SNTG1: variants seen among roughly 807,000 people sequenced by gnomAD.
The protein encoded by SNTG1 is gamma-1-syntrophin.
SNTG1 carries 39 observed loss-of-function variants against 74.7 expected under a neutral mutation model. The ratio of observed to expected loss-of-function variants is 0.52; its 90% CI spans 0.40 to 0.68. The LOEUF (loss-of-function observed/expected upper bound fraction) is 0.68. Among genes scored for constraint, SNTG1 ranks in the 30% least tolerant of loss-of-function variants. The pLI is 0.00. For synonymous variants in SNTG1, 254 were observed against 217.1 expected, an observed-to-expected ratio of 1.17 and a Z score of -1.49; for missense variants, 685 against 609.5, an observed-to-expected ratio of 1.12 and a Z score of -1.30.
chr8:50,172,814 A>G (rs1429679335), intron 2 of SNTG1, among the ~76,000 whole-genome samples, 179 bp downstream of exon 2: 1 of 151,326 alleles, frequency 6.6e-6, no homozygotes, highest in African/African-American at 2.4e-5. Flanking sequence ...TGGAAGCAGT[A>G]GAAATATTCA....
intron 1 of SNTG1, among the ~76,000 whole-genome samples, chr8:49,961,844 T>C (rs1392274127): frequency 2.0e-5 from 3 of 152,208 alleles, no homozygotes; most frequent in South Asian, 2.1e-4. Flanking sequence ...GAGAATTCAA[T>C]GACTTGTTGA....
rs982459140 is a variant in SNTG1, at chr8:49,923,307, T to C, written c.-103+11076T>C. Among the ~76,000 whole-genome samples, 15 of 152,160 alleles carry C rather than the reference T, an allele frequency of 9.9e-5. 1 individual carries two copies. The highest frequency in any genetic ancestry group is 9.2e-4 in the Admixed American group (14 of 15,256). On this transcript the variant is annotated intron_variant, in intron 1 of 18. Coordinates refer to ENST00000642720, the MANE Select transcript of SNTG1 (RefSeq NM_018967.5). ...CTTCAAATCTTACCCAATCTTTATT[T>C]CTGTGAAACATTTTTGGGAGGGGAA...
intron 8 of SNTG1, among the ~76,000 whole-genome samples, chr8:50,484,154 T>TTCCC (rs1563453638): frequency 2.7e-5 from 1 of 37,366 alleles, no homozygotes; most frequent in African/African-American, 9.9e-5. Flanking sequence ...CTTTCTTTCC[T>TTCCC]TCCTTCCTTC....
At chr8:50,153,701 G>A (rs2082152328) in intron 1 of SNTG1, among the ~76,000 whole-genome samples, 1 of 152,196 alleles carries the variant, frequency 6.6e-6, no homozygotes, top group Non-Finnish European at 1.5e-5. Flanking sequence ...ATCAGCAGCG[G>A]AGGCTGCAGA....
intron 1 of SNTG1, among the ~76,000 whole-genome samples, chr8:49,966,425 C>T (rs569064842): frequency 1.3e-5 from 2 of 149,722 alleles, no homozygotes; most frequent in South Asian, 4.2e-4. Context: ...GACAGAGTCT[C>T]GGTCTGTTCC....
At chr8:50,478,521 A>G (rs2093714467) in intron 8 of SNTG1, among the ~76,000 whole-genome samples, 1 of 152,078 alleles carries the variant, frequency 6.6e-6, no homozygotes, top group African/African-American at 2.4e-5. Flanking sequence ...CCTAATCACT[A>G]GTTTTTGTTT....
intron 17 of SNTG1, among the ~76,000 whole-genome samples, chr8:50,719,531 A>T (rs893874155): frequency 2.0e-5 from 3 of 152,182 alleles, no homozygotes; most frequent in African/African-American, 4.8e-5. Flanking sequence ...TAGCAGGAGG[A>T]ACAGCCTAAC....
chr8:50,448,309 T>G (rs113000382), intron 5 of SNTG1, among the ~76,000 whole-genome samples: 4,215 of 151,348 alleles, frequency 0.028, 185 homozygotes, highest in African/African-American at 0.096. Flanking sequence ...GGACTCTACT[T>G]GCCAAAAAAA....
chr8:49,947,831 T>C (rs1809340770), intron 1 of SNTG1, among the ~76,000 whole-genome samples: 1 of 152,146 alleles, frequency 6.6e-6, no homozygotes, highest in African/African-American at 2.4e-5. Context: ...TCTGTGTTGA[T>C]ATTAAAAGTT....
chr8:50,729,288 A>T (rs1012099540), intron 17 of SNTG1, among the ~76,000 whole-genome samples: 10 of 152,202 alleles, frequency 6.6e-5, no homozygotes, highest in Non-Finnish European at 1.2e-4. Flanking sequence ...ACAGAGTCCA[A>T]ATATAATGTG....
intron 1 of SNTG1, among the ~76,000 whole-genome samples, chr8:50,123,510 T>A (rs1342683413): frequency 7.0e-6 from 1 of 142,666 alleles, no homozygotes; most frequent in African/African-American, 2.5e-5. Context: ...ATTTAGAACA[T>A]CTTTACATTA....
At chr8:50,529,728 T>C (rs1036778351) in intron 9 of SNTG1, among the ~76,000 whole-genome samples, 2 of 152,142 alleles carry the variant, frequency 1.3e-5, no homozygotes, top group East Asian at 1.9e-4. Flanking sequence ...AAAGAGTACC[T>C]ACAAAAACAG....
At chr8:50,133,729 C>G (rs2081385912) in intron 1 of SNTG1, among the ~76,000 whole-genome samples, 1 of 152,158 alleles carries the variant, frequency 6.6e-6, no homozygotes, top group African/African-American at 2.4e-5. Flanking sequence ...TGTGTCTCTT[C>G]TCTTCTTTAA....
At chr8:50,427,271 C>G (rs893155506) in intron 4 of SNTG1, among the ~76,000 whole-genome samples, 2 of 151,774 alleles carry the variant, frequency 1.3e-5, no homozygotes, top group Non-Finnish European at 2.9e-5. Flanking sequence ...AAATTACAAG[C>G]CAATTTTACT....
At chr8:49,998,459 A>G (rs1047313624) in intron 1 of SNTG1, among the ~76,000 whole-genome samples, 1 of 152,166 alleles carries the variant, frequency 6.6e-6, no homozygotes, top group African/African-American at 2.4e-5. Context: ...ACTCTGTAAG[A>G]ACAAAGCTTA....
At chr8:50,112,857 C>T (rs1435540175) in intron 1 of SNTG1, among the ~76,000 whole-genome samples, 2 of 152,048 alleles carry the variant, frequency 1.3e-5, no homozygotes, top group Non-Finnish European at 2.9e-5. Context: ...GGAATCCTTT[C>T]CCCATTTCTT....
At chr8:50,333,572 A>T (rs2091038908) in intron 2 of SNTG1, among the ~76,000 whole-genome samples, 1 of 152,216 alleles carries the variant, frequency 6.6e-6, no homozygotes, top group Non-Finnish European at 1.5e-5. Context: ...ATTATGCTGG[A>T]AACAGCATTA....
intron 1 of SNTG1, among the ~76,000 whole-genome samples, chr8:50,080,957 T>C (rs2131076640): frequency 6.6e-6 from 1 of 152,286 alleles, no homozygotes; most frequent in Middle Eastern, 3.4e-3. Flanking sequence ...TATTTTCTTT[T>C]CTTCCTACCT....
At chr8:50,200,969 G>C (rs987113459) in intron 2 of SNTG1, among the ~76,000 whole-genome samples, 4 of 151,926 alleles carry the variant, frequency 2.6e-5, no homozygotes, top group East Asian at 1.9e-4. Context: ...TCAGAGAAGG[G>C]GCTTATGTTA....
Sources: gnomAD v4.1 joint callset for allele counts (sites outside exome capture counted in the v4.1 genomes callset) on GRCh38, gnomAD v4.1.1 for gene constraint, MANE v1.5 for transcripts, NCBI Gene and HGNC (gene_info 2026-07-23, HGNC 2026-07-21) for gene names.